Variants in IPMK observed in about 807,000 individuals in gnomAD.
IPMK encodes the protein inositol polyphosphate multikinase, also known as inositol 1,3,4,6-tetrakisphosphate 5-kinase.
A neutral mutation model predicts 45.8 loss-of-function variants in IPMK; 17 were observed. The observed-to-expected ratio is 0.37, with a 90% CI of 0.25 to 0.56. IPMK has a LOEUF of 0.56. Among genes scored for constraint, IPMK ranks in the 20% least tolerant of loss-of-function variants. IPMK has a pLI of 0.79. For synonymous variants in IPMK, 180 were observed against 184.3 expected, an observed-to-expected ratio of 0.98 and a Z score of 0.19; for missense variants, 399 against 498.0, an observed-to-expected ratio of 0.80 and a Z score of 1.89.
Position 58,196,023 on chromosome 10 carries a change from T to A in IPMK, c.*53A>T. 6.6e-7 allele frequency: 1 copy of A among 1,522,662 alleles called. No individual in the cohort carries two copies. Among genetic ancestry groups the A allele is most frequent in the Non-Finnish European group, 8.9e-7 (1 of 1,123,498 alleles). The allele number at this position is 1,522,662 out of a possible 1,614,324, so 94.3% of individuals were successfully genotyped here. A position where few individuals can be genotyped will look rare whatever the true frequency, so the allele number is the denominator to read the frequency against. ...TAGCATTAAAGGTGCAGATATTGAC[T>A]GCCCCTCTTCATTATGATTGGCCCA... On this transcript the variant is annotated 3_prime_UTR_variant, in exon 6 of 6. Coordinates refer to ENST00000373935, the MANE Select transcript of IPMK (RefSeq NM_152230.5).
rs1334544537 is a variant in IPMK at position 58,196,256 on chromosome 10, A to G, written c.1071T>C (p.Asn357=). The change falls in exon 6 of 6, where the codon AAT becomes AAC. Residue 357 remains asparagine, a synonymous_variant. Transcript: ENST00000373935. ...KSMSQEHLNG[N]VLSQLEKVFY... is the part of the protein sequence containing the mutation. ...AAACTTTTTCCAGTTGGGAAAGTAC[A>G]TTTCCATTTAAATGTTCCTGTGACA... The G allele has an allele frequency of 1.2e-6, 2 of 1,614,026 alleles. No individual in the cohort carries two copies. Among genetic ancestry groups the G allele is most frequent in the Non-Finnish European group, 1.7e-6 (2 of 1,180,000 alleles).
chr10:58,196,406 C>T lies in IPMK; in HGVS notation c.921G>A (p.Glu307=), dbSNP rs142574341. 3.9e-4 allele frequency: 632 copies of T among 1,614,054 alleles called. No homozygotes were observed. Among genetic ancestry groups the T allele is most frequent in the South Asian group, 6.8e-4 (62 of 91,086 alleles). The part of the protein sequence containing the change: ...VLSSTANGKI[E]SSVGKSLSKM... ...TGGACAAGCTTTTGCCCACTGAAGA[C>T]TCTATTTTTCCATTAGCTGTGGAAC... The change falls in exon 6 of 6, where the codon GAG becomes GAA. Residue 307 remains glutamate, a synonymous_variant. Transcript: ENST00000373935.
intron 4 of IPMK, among the ~76,000 whole-genome samples, chr10:58,215,385 ATT>A (rs57335566): frequency 6.9e-6 from 1 of 143,912 alleles, no homozygotes. Flanking sequence ...ACAATTACCT[ATT>A]TTTTTTTTTT....
intron 1 of IPMK, among the ~76,000 whole-genome samples, chr10:58,263,042 T>C: frequency 6.6e-6 from 1 of 152,218 alleles, no homozygotes; most frequent in East Asian, 1.9e-4. Context: ...TGCATGACTG[T>C]AAAGTGTCTC....
intron 3 of IPMK, 146 bp from the exon 4 acceptor site, chr10:58,216,463 T>TAAA: frequency 2.7e-6 from 1 of 369,996 alleles, no homozygotes; most frequent in Middle Eastern, 7.4e-4. Flanking sequence ...TAACTCTACC[T>TAAA]AAAAAAAAAA....
intron 1 of IPMK, among the ~76,000 whole-genome samples, chr10:58,257,546 A>T (rs1480335069): frequency 6.6e-6 from 1 of 152,176 alleles, no homozygotes; most frequent in Non-Finnish European, 1.5e-5. Context: ...GAACATTTTT[A>T]AAATGTGAGA....
intron 4 of IPMK, among the ~76,000 whole-genome samples, chr10:58,207,913 C>T (rs893113560): frequency 1.3e-5 from 2 of 152,044 alleles, no homozygotes; most frequent in African/African-American, 4.8e-5. Context: ...GGCCATTTAA[C>T]ATAAACCCCA....
chr10:58,244,913 G>A (rs960077733), intron 1 of IPMK, among the ~76,000 whole-genome samples: 22 of 152,126 alleles, frequency 1.4e-4, no homozygotes, highest in Middle Eastern at 3.4e-3. Context: ...GCCAAAGGCC[G>A]CAGGGACCTC....
At position 58,193,873 on chromosome 10, in the gene IPMK, T is replaced by C. The variant is rs1158294003; in HGVS notation, c.*2203A>G. On this transcript the variant is annotated 3_prime_UTR_variant, in exon 6 of 6. Coordinates refer to ENST00000373935, the MANE Select transcript of IPMK (RefSeq NM_152230.5). ...CATGTAGATTAGATAAACAGATACTTATTCTGTTATACCTAAGCCTACTTA... is the reference window on the plus strand; with the variant it reads ...CATGTAGATTAGATAAACAGATACTCATTCTGTTATACCTAAGCCTACTTA... 1 of 151,794 alleles carries C rather than the reference T, an allele frequency of 6.6e-6. No individual in the cohort carries two copies. The highest frequency in any genetic ancestry group is 2.4e-5 in the African/African-American group (1 of 41,422). The allele number at this position is 151,794 out of a possible 1,614,324, so 9.4% of individuals were successfully genotyped here.
At chr10:58,222,570 ATCTAC>A (rs1186665410) in intron 3 of IPMK, among the ~76,000 whole-genome samples, 25 of 152,218 alleles carry the variant, frequency 1.6e-4, no homozygotes, top group African/African-American at 5.1e-4. Flanking sequence ...ATAAAAGGAT[ATCTAC>A]TCTTCATAAA....
chr10:58,206,376 T>C (rs574041674), intron 4 of IPMK, among the ~76,000 whole-genome samples: 3 of 152,318 alleles, frequency 2.0e-5, no homozygotes, highest in Admixed American at 2.0e-4. Flanking sequence ...GTAAGTTGAA[T>C]GTGGTAATAG....
chr10:58,246,290 T>G (rs1838799116), intron 1 of IPMK, among the ~76,000 whole-genome samples: 1 of 150,816 alleles, frequency 6.6e-6, no homozygotes, highest in Non-Finnish European at 1.5e-5. Flanking sequence ...CTTCACAGAA[T>G]TGGAAAAAGC....
chr10:58,239,738 A>G (rs974892757), intron 1 of IPMK, among the ~76,000 whole-genome samples: 2 of 152,126 alleles, frequency 1.3e-5, no homozygotes, highest in African/African-American at 2.4e-5. Context: ...AAATAAACCA[A>G]CAGTAAACCA....
chr10:58,250,664 G>A (rs1448050723), intron 1 of IPMK, among the ~76,000 whole-genome samples: 1 of 152,002 alleles, frequency 6.6e-6, no homozygotes, highest in East Asian at 1.9e-4. Flanking sequence ...TCCTTCTCTA[G>A]ACTAATTGCT....
rs1837888300 is a variant in IPMK, at chr10:58,196,103, A to G, written c.1224T>C (p.Ser408=). 12 of 1,613,252 alleles carry G rather than the reference A, an allele frequency of 7.4e-6. No individual in the cohort carries two copies. The highest frequency in any genetic ancestry group is 1.0e-5 in the Non-Finnish European group (12 of 1,179,408). Residue 408 remains serine (S), a synonymous_variant, in exon 6 of 6, where the codon TCT becomes TCC. Transcript: ENST00000373935. ...AATTGTCTAAAATACTTCGAAGTAC[A>G]GAAATTAAATGCTTTAGCCCATAAA... ...GYVYGLKHLI[S]VLRSILDN
chr10:58,226,163 C>T (rs1235971974), intron 3 of IPMK, among the ~76,000 whole-genome samples: 2 of 152,092 alleles, frequency 1.3e-5, no homozygotes, highest in East Asian at 1.9e-4. Context: ...CCAGGGTTCC[C>T]TATTAGTGAA....
intron 2 of IPMK, among the ~76,000 whole-genome samples, chr10:58,230,110 G>A (rs1838489968): frequency 6.6e-6 from 1 of 152,188 alleles, no homozygotes; most frequent in African/African-American, 2.4e-5. Context: ...TGGGGGAGGG[G>A]AATCCACCAT....
intron 1 of IPMK, among the ~76,000 whole-genome samples, chr10:58,248,491 A>G (rs1358808648): frequency 6.6e-6 from 1 of 152,218 alleles, no homozygotes; most frequent in African/African-American, 2.4e-5. Context: ...TACAATGTGT[A>G]ATGATCAAAT....
intron 3 of IPMK, among the ~76,000 whole-genome samples, chr10:58,217,688 CAAAAA>C (rs11393849): frequency 4.1e-5 from 2 of 49,266 alleles, no homozygotes; most frequent in African/African-American, 9.4e-5. Flanking sequence ...AACTCCATCT[CAAAAA>C]AAAAAAAAAA....
Sources: gnomAD v4.1 joint callset for allele counts (sites outside exome capture counted in the v4.1 genomes callset) on GRCh38, gnomAD v4.1.1 for gene constraint, MANE v1.5 for transcripts, NCBI Gene and HGNC (gene_info 2026-07-23, HGNC 2026-07-21) for gene names.